The following SH2B3 variants were observed in gnomAD, a reference collection of about 807,000 sequenced individuals.
SH2B3 encodes SH2B adapter protein 3.
SH2B3 carries 43 observed loss-of-function variants against 51.9 expected under a neutral mutation model. That is an observed-to-expected ratio of 0.83 (90% CI 0.65 to 1.07). The LOEUF is 1.07. Ranked by LOEUF, SH2B3 falls within the 50% of genes least tolerant of loss-of-function variation. The pLI is 0.00. For synonymous variants in SH2B3, 396 were observed against 376.0 expected, an observed-to-expected ratio of 1.05 and a Z score of -0.62; for missense variants, 952 against 834.3, an observed-to-expected ratio of 1.14 and a Z score of -1.74.
At chr12:111,427,097 G>T (rs1351515039) in intron 2 of SH2B3, among the ~76,000 whole-genome samples, 1 of 152,042 alleles carries the variant, frequency 6.6e-6, no homozygotes, top group Non-Finnish European at 1.5e-5. Context: ...TATGGAATCC[G>T]GGGATCGGCC....
chr12:111,431,108 C>G (rs1156307174), intron 2 of SH2B3, among the ~76,000 whole-genome samples: 1 of 152,202 alleles, frequency 6.6e-6, no homozygotes. Flanking sequence ...TTTTTCCTAT[C>G]TCCCCTCTGA....
intron 1 of SH2B3, among the ~76,000 whole-genome samples, chr12:111,417,522 T>C (rs1396342767): frequency 6.9e-6 from 1 of 145,814 alleles, no homozygotes; most frequent in Non-Finnish European, 1.5e-5. Flanking sequence ...TTGCCTGGGC[T>C]GGCGTTCAAT....
Position 111,438,665 on chromosome 12 carries a change from A to AAGGAATGC in SH2B3, c.733-8087_733-8080dup, listed in dbSNP as rs1873113660. On this transcript the variant is annotated intron_variant, in intron 2 of 7. Transcript: ENST00000341259. The surrounding 1 kb of genome is among the most constrained non-coding windows in gnomAD (Gnocchi z 4.2). The stretch of plus-strand genomic sequence containing the variant: ...CCAAGTCACGGCAGAGACCTGCATC[A>AAGGAATGC]AGGAATGCGCAAGACCAGCTCATAG... Among the ~76,000 whole-genome samples the AAGGAATGC allele has an allele frequency of 6.6e-6, 1 of 152,184 alleles. No individual in the cohort carries two copies. Among genetic ancestry groups the AAGGAATGC allele is most frequent in the African/African-American group, 2.4e-5 (1 of 41,456 alleles).
chr12:111,423,285 A>C (rs1157132300), intron 2 of SH2B3, among the ~76,000 whole-genome samples: 10 of 152,220 alleles, frequency 6.6e-5, no homozygotes, highest in Admixed American at 6.5e-4. Flanking sequence ...ATTTGTTAAA[A>C]ATCTCAAGGC....
In SH2B3 at chr12:111,448,021, C is replaced by T. The variant is rs1247081124; in HGVS notation, c.1447C>T (p.His483Tyr). 4.3e-6 allele frequency: 7 copies of T among 1,610,784 alleles called. No individual in the cohort carries two copies. Among genetic ancestry groups the T allele is most frequent in the Middle Eastern group, 1.7e-4 (1 of 6,058 alleles). Residue 483 changes from histidine to tyrosine, a missense_variant, in exon 8 of 8, where the codon CAC becomes TAC. Physicochemically the swap from His to Tyr is moderately conservative, Grantham distance 83 (BLOSUM62 2). Transcript: ENST00000341259. ...NTVLFPFSLP[H>Y]WDSESLPHWG... ...GGTCCTCTTCCCTTTCTCCCTTCCTCACTGGGATTCAGAGTCCCTTCCTCA... is the reference window on the plus strand; with the variant it reads ...GGTCCTCTTCCCTTTCTCCCTTCCTTACTGGGATTCAGAGTCCCTTCCTCA...
At chr12:111,415,108 G>T (rs1870983865) in intron 1 of SH2B3, among the ~76,000 whole-genome samples, 1 of 152,248 alleles carries the variant, frequency 6.6e-6, no homozygotes, top group Admixed American at 6.5e-5. Flanking sequence ...ATTGGAGGCA[G>T]CAAATGTACC....
rs912417795 is a variant in SH2B3 at position 111,406,444 on chromosome 12, A to G, written c.-28+167A>G. ...GAGGCGTTCCGGGGTGACGGCTCCCAGCGCCTACGACCCCCCACTCAGCCA... is the reference window on the plus strand; with the variant it reads ...GAGGCGTTCCGGGGTGACGGCTCCCGGCGCCTACGACCCCCCACTCAGCCA... On this transcript the variant is annotated intron_variant, in intron 1 of 7. Transcript: ENST00000341259. The surrounding 1 kb of genome is among the most constrained non-coding windows in gnomAD (Gnocchi z 5.7). 2.0e-5 allele frequency among the ~76,000 whole-genome samples: 3 copies of G among 152,122 alleles called. No individual in the cohort carries two copies. Among genetic ancestry groups the G allele is most frequent in the Admixed American group, 6.5e-5 (1 of 15,284 alleles).
Position 111,448,096 on chromosome 12 carries a change from C to T in SH2B3, c.1522C>T (p.Arg508Trp), listed in dbSNP as rs749430739. 1.5e-5 allele frequency: 25 copies of T among 1,613,932 alleles called. No individual in the cohort carries two copies. The highest frequency in any genetic ancestry group is 1.6e-4 in the Middle Eastern group (1 of 6,084). ...LPHLSSSGCP[R>W]GLSPEGLPGR... ...CCACCTTAGTTCTTCTGGCTGTCCC[C>T]GGGGGCTCAGCCCAGAGGGTCTCCC... The change falls in exon 8 of 8, where the codon CGG becomes TGG. Residue 508 changes from arginine to tryptophan, a missense_variant. Transcript: ENST00000341259.
At position 111,448,149 on chromosome 12, in the gene SH2B3, C is replaced by G. The variant is rs1339021840; in HGVS notation, c.1575C>G (p.Ile525Met). The change falls in exon 8 of 8, where the codon ATC becomes ATG. Residue 525 changes from isoleucine (I) to methionine (M), a missense_variant. Ile to Met is a conservative substitution (Grantham distance 10, BLOSUM62 1). Transcript: ENST00000341259. ...GGCGATCCTCACCCCCCGAGCAGAT[C>G]TTCCACCTGGTGCCTTCGCCCGAAG... ...LPGRSSPPEQ[I>M]FHLVPSPEEL... The G allele has an allele frequency of 6.2e-7, 1 of 1,614,178 alleles. No individual in the cohort carries two copies. Among genetic ancestry groups the G allele is most frequent in the Non-Finnish European group, 8.5e-7 (1 of 1,180,020 alleles).
intron 1 of SH2B3, among the ~76,000 whole-genome samples, chr12:111,413,714 C>G (rs1870880830): frequency 6.6e-6 from 1 of 152,200 alleles, no homozygotes; most frequent in Admixed American, 6.5e-5. Flanking sequence ...TGATCTCTTG[C>G]ATTCATATGT....
intron 2 of SH2B3, among the ~76,000 whole-genome samples, chr12:111,431,187 G>A (rs996005891): frequency 6.6e-6 from 1 of 152,138 alleles, no homozygotes; most frequent in African/African-American, 2.4e-5. Context: ...AGTGTACATC[G>A]GGGCGATTAA....
chr12:111,419,524 G>A (rs991722233), intron 2 of SH2B3, among the ~76,000 whole-genome samples: 2 of 152,044 alleles, frequency 1.3e-5, no homozygotes, highest in African/African-American at 4.8e-5. Context: ...TGTAATCCCG[G>A]CTACTTGGGA....
chr12:111,417,611 C>T (rs1299299770), intron 1 of SH2B3, among the ~76,000 whole-genome samples: 3 of 151,974 alleles, frequency 2.0e-5, no homozygotes, highest in Non-Finnish European at 4.4e-5. Flanking sequence ...TGCTGCAATG[C>T]CAACTCATTT....
Position 111,434,924 on chromosome 12 carries a change from G to A in SH2B3, c.733-11829G>A, listed in dbSNP as rs778416429. The A allele has an allele frequency of 7.8e-6, 12 of 1,535,546 alleles. No homozygotes were observed. The highest frequency in any genetic ancestry group is 3.6e-5 in the South Asian group (3 of 84,062). Reference sequence around the variant, plus strand: ...GACATGGGATTCCCGGTGCTGTGCCGTGGCTGGAGGAGGACCTGGCCTGGC... The same window carrying A: ...GACATGGGATTCCCGGTGCTGTGCCATGGCTGGAGGAGGACCTGGCCTGGC... On this transcript the variant is annotated intron_variant, in intron 2 of 7. Transcript: ENST00000341259.
In SH2B3 at chr12:111,446,805, G is replaced by A. The variant is rs1398947274; in HGVS notation, c.785G>A (p.Trp262Ter). The A allele has an allele frequency of 9.5e-6, 15 of 1,575,486 alleles. No individual in the cohort carries two copies. The highest frequency in any genetic ancestry group is 1.7e-4 in the Middle Eastern group (1 of 5,870). The change falls in exon 3 of 8, where the codon TGG (tryptophan) becomes TAG (stop). Residue 262 changes from tryptophan (W) to a stop codon, truncating the protein, a stop_gained. Transcript: ENST00000341259. LOFTEE classifies it high-confidence loss of function. ...AACSSIQEVRWCTRLEMPDNL... is the reference protein window; with the variant it reads ...AACSSIQEVR The stretch of plus-strand genomic sequence containing the variant: ...TGCTCCAGCATCCAGGAGGTCCGGT[G>A]GTGCACACGGCTTGAGATGCCTGAC...
At chr12:111,437,725 G>A (rs1015073664) in intron 2 of SH2B3, among the ~76,000 whole-genome samples, 2 of 152,188 alleles carry the variant, frequency 1.3e-5, no homozygotes, top group African/African-American at 2.4e-5. Flanking sequence ...GCTGGAACTG[G>A]CTCATTGCCT....
intron 2 of SH2B3, among the ~76,000 whole-genome samples, chr12:111,433,075 G>C (rs1481139013): frequency 1.3e-5 from 2 of 152,170 alleles, no homozygotes; most frequent in Non-Finnish European, 2.9e-5. Context: ...CATTGGGCTG[G>C]GCACGGTGGC....
At chr12:111,436,161 G>A (rs1344679199) in intron 2 of SH2B3, among the ~76,000 whole-genome samples, 2 of 152,228 alleles carry the variant, frequency 1.3e-5, no homozygotes, top group Admixed American at 1.3e-4. Flanking sequence ...TTTGGCACTT[G>A]AGAGCCCAGC....
At position 111,410,339 on chromosome 12, in the gene SH2B3, C is replaced by T. The variant is rs1211411702; in HGVS notation, c.-28+4062C>T. The stretch of plus-strand genomic sequence containing the variant: ...GAGAGGCGAGGTAATTGAGGGCTTA[C>T]GCATGTCCCTCCTGATGTCCCCAAG... On this transcript the variant is annotated intron_variant, in intron 1 of 7. Transcript: ENST00000341259. The surrounding 1 kb of genome is among the most constrained non-coding windows in gnomAD (Gnocchi z 4.9). 1.3e-5 allele frequency among the ~76,000 whole-genome samples: 2 copies of T among 152,144 alleles called. No individual in the cohort carries two copies. Among genetic ancestry groups the T allele is most frequent in the Non-Finnish European group, 2.9e-5 (2 of 68,004 alleles).
Sources: gnomAD v4.1 joint callset for allele counts (sites outside exome capture counted in the v4.1 genomes callset) on GRCh38, gnomAD v4.1.1 for gene constraint, Gnocchi (gnomAD v3.1) non-coding constraint, MANE v1.5 for transcripts, NCBI Gene and HGNC (gene_info 2026-07-23, HGNC 2026-07-21) for gene names.